LAMC3: variants seen among roughly 807,000 people sequenced by gnomAD.
LAMC3 encodes the protein laminin subunit gamma 3, also known as laminin subunit gamma-3.
LAMC3 carries 128 observed loss-of-function variants against 173.8 expected under a neutral mutation model. The observed-to-expected ratio is 0.74, with a 90% confidence interval of 0.64 to 0.85. The LOEUF (loss-of-function observed/expected upper bound fraction) is 0.85. LAMC3 is among the 40% of genes least tolerant of loss of function. LAMC3 has a pLI of 0.00. For missense variants in LAMC3, 2,022 were observed against 2,156.0 expected, an observed-to-expected ratio of 0.94 and a Z score of 1.23; for synonymous variants, 897 against 909.1, an observed-to-expected ratio of 0.99 and a Z score of 0.24.
At chr9:131,062,577 G>A (rs967544978) in intron 13 of LAMC3, among the ~76,000 whole-genome samples, 15 of 151,690 alleles carry the variant, frequency 9.9e-5, no homozygotes, top group Non-Finnish European at 1.9e-4. Flanking sequence ...CCCATCAAAT[G>A]TGTTGTTGAG....
In LAMC3 at chr9:131,091,929, C is replaced by A. The variant is rs1300231771; in HGVS notation, c.*142C>A. 5.3e-6 allele frequency: 4 copies of A among 754,022 alleles called. No individual in the cohort carries two copies. Among genetic ancestry groups the A allele is most frequent in the Non-Finnish European group, 6.1e-6 (3 of 495,764 alleles). The allele number at this position is 754,022 out of a possible 1,614,324, so 46.7% of individuals were successfully genotyped here. On this transcript the variant is annotated 3_prime_UTR_variant, in exon 28 of 28. Transcript: ENST00000361069. The stretch of plus-strand genomic sequence containing the variant: ...CTCGCCCCCGTGTGGATAGTCACTC[C>A]CTGCCGATTCTGTCTGTGGCTTCTT...
intron 20 of LAMC3, among the ~76,000 whole-genome samples, chr9:131,075,525 T>G (rs913145948): frequency 2.0e-5 from 3 of 148,494 alleles, no homozygotes; most frequent in African/African-American, 7.5e-5. Flanking sequence ...ATCACACCAC[T>G]GCACTCTAGC....
At chr9:131,082,288 A>G in intron 24 of LAMC3, 127 bp downstream of exon 24, 1 of 724,024 alleles carries the variant, frequency 1.4e-6, no homozygotes, top group Non-Finnish European at 2.5e-6. Flanking sequence ...TAATTAAGCC[A>G]AACAGACTTT....
chr9:131,086,995 G>A (rs35720052), intron 25 of LAMC3, among the ~76,000 whole-genome samples: 26,741 of 152,150 alleles, frequency 0.18, 2,615 homozygotes, highest in African/African-American at 0.27. Flanking sequence ...AAAGTGCTGG[G>A]ACCATAGGCA....
At chr9:131,070,713 A>T (rs912492078) in intron 17 of LAMC3, among the ~76,000 whole-genome samples, 4 of 146,230 alleles carry the variant, frequency 2.7e-5, no homozygotes, top group East Asian at 3.9e-4. Context: ...GACTCTGTCT[A>T]AAAAAAAAAA....
intron 4 of LAMC3, among the ~76,000 whole-genome samples, chr9:131,037,296 C>A (rs1279900783): frequency 6.6e-6 from 1 of 152,212 alleles, no homozygotes; most frequent in African/African-American, 2.4e-5. Flanking sequence ...GCCTGGGAGC[C>A]AGGGTTTCAG....
At chr9:131,010,081 G>A (rs1381886479) in intron 1 of LAMC3, among the ~76,000 whole-genome samples, 2 of 150,080 alleles carry the variant, frequency 1.3e-5, no homozygotes, top group Non-Finnish European at 3.0e-5. Flanking sequence ...TTGAACCCGG[G>A]AGGTGGAGGT....
chr9:131,038,811 C>T lies in LAMC3; in HGVS notation c.977-53C>T, dbSNP rs1429656210. On this transcript the variant is annotated intron_variant, in intron 4 of 27. Transcript: ENST00000361069. ...GGGAGGCTGACTGACACAGATGCAG[C>T]CTCCTACCACATCACAGGGGACTCA... is the stretch of plus-strand genomic sequence containing the variant. The T allele has an allele frequency of 1.6e-5, 25 of 1,565,080 alleles. No individual in the cohort carries two copies. The Admixed American group carries it at 1.8e-4, about 11-fold the overall frequency.
intron 3 of LAMC3, among the ~76,000 whole-genome samples, chr9:131,032,801 T>G (rs906948394): frequency 6.6e-6 from 1 of 152,208 alleles, no homozygotes; most frequent in Non-Finnish European, 1.5e-5. Flanking sequence ...CCCAAGTAGC[T>G]GGGATTACAG....
chr9:131,063,218 T>C lies in LAMC3; in HGVS notation c.2347+1995T>C, dbSNP rs540281949. The stretch of plus-strand genomic sequence containing the variant: ...AGCCGGGAGCTCAAGAACCGAGGGA[T>C]GGAGATTGCACTGCGGGACCCTGCA... On this transcript the variant is annotated intron_variant, in intron 13 of 27. Transcript: ENST00000361069. Among the ~76,000 whole-genome samples the C allele has an allele frequency of 5.3e-4, 80 of 152,302 alleles. 1 individual carries two copies. The South Asian group carries it at 0.017, about 32-fold the overall frequency.
chr9:131,079,581 C>G (rs1219468413), intron 23 of LAMC3, among the ~76,000 whole-genome samples: 1 of 152,128 alleles, frequency 6.6e-6, no homozygotes, highest in Non-Finnish European at 1.5e-5. Flanking sequence ...ATAGTCCCAT[C>G]TACTTGGGAG....
At chr9:131,053,293 C>G (rs1383973560) in intron 11 of LAMC3, among the ~76,000 whole-genome samples, 6 of 152,180 alleles carry the variant, frequency 3.9e-5, no homozygotes. Flanking sequence ...CACCAAGCCC[C>G]CTGTCCCCGC....
At chr9:131,046,518 A>ATTTTT (rs71501242) in intron 8 of LAMC3, among the ~76,000 whole-genome samples, 618 of 49,148 alleles carry the variant, frequency 0.013, 133 homozygotes, top group African/African-American at 0.042. Context: ...TAATTTTTGT[A>ATTTTT]TTTTTTTTTT....
intron 1 of LAMC3, among the ~76,000 whole-genome samples, chr9:131,017,996 A>C (rs1833555487): frequency 6.6e-6 from 1 of 152,096 alleles, no homozygotes; most frequent in African/African-American, 2.4e-5. Flanking sequence ...ACTGCACTCC[A>C]GCCTGGGCGA....
rs552051017 is a variant in LAMC3 at position 131,026,610 on chromosome 9, C to T, written c.678+21C>T. The T allele has an allele frequency of 1.7e-4, 267 of 1,552,958 alleles. No homozygotes were observed. Among genetic ancestry groups the T allele is most frequent in the Non-Finnish European group, 4.2e-5 (48 of 1,149,772 alleles). On this transcript the variant is annotated intron_variant, in intron 2 of 27. Transcript: ENST00000361069. This position sits in a 1 kb window ranked among gnomAD's most constrained non-coding sequence, Gnocchi z 4.8. ...TGCAGGTCAGGGAGGAGCGGGGCTT[C>T]GGAGGTTGGGACGGGGTTGGGACTG... is the stretch of plus-strand genomic sequence containing the variant.
chr9:131,051,239 C>T (rs1834281709), intron 9 of LAMC3, among the ~76,000 whole-genome samples: 1 of 152,066 alleles, frequency 6.6e-6, no homozygotes, highest in African/African-American at 2.4e-5. Context: ...CTTTTTTTCC[C>T]CTGCAGTTTT....
chr9:131,059,552 A>G (rs1343111025), intron 12 of LAMC3, among the ~76,000 whole-genome samples: 1 of 24,902 alleles, frequency 4.0e-5, no homozygotes, highest in Non-Finnish European at 1.6e-4. Context: ...GAGGGCAAGC[A>G]CAACCACACG....
At chr9:131,039,347 T>C (rs1834003406) in intron 6 of LAMC3, 99 bp downstream of exon 6, 2 of 977,270 alleles carry the variant, frequency 2.0e-6, no homozygotes, top group South Asian at 2.7e-5. Context: ...CATCCCTTCC[T>C]GTCTGCAGCT....
At chr9:131,090,413 C>T (rs1830404665) in intron 27 of LAMC3, among the ~76,000 whole-genome samples, 1 of 152,222 alleles carries the variant, frequency 6.6e-6, no homozygotes, top group Non-Finnish European at 1.5e-5. Context: ...TGAATCTCTT[C>T]GAAGACCAGG....
Sources: gnomAD v4.1 joint callset for allele counts (sites outside exome capture counted in the v4.1 genomes callset) on GRCh38, gnomAD v4.1.1 for gene constraint, Gnocchi (gnomAD v3.1) non-coding constraint, MANE v1.5 for transcripts, NCBI Gene and HGNC (gene_info 2026-07-23, HGNC 2026-07-21) for gene names.